ADARB1: variants seen among roughly 807,000 people sequenced by gnomAD.
ADARB1 encodes the protein adenosine deaminase RNA specific B1.
In ADARB1, 10 loss-of-function variants were observed where a neutral mutation model predicts 52.4. The observed-to-expected ratio is 0.19, with a 90% CI of 0.12 to 0.32. The LOEUF (loss-of-function observed/expected upper bound fraction) is 0.32, where lower values mean the gene tolerates loss of function less well. Among genes scored for constraint, ADARB1 ranks in the 10% least tolerant of loss-of-function variants. The probability of loss-of-function intolerance (pLI) is 1.00; values close to 1 mark genes in which losing one functional copy is unlikely to be tolerated. For synonymous variants in ADARB1, 349 were observed against 371.1 expected (o/e 0.94, Z 0.68); for missense variants, 643 against 922.3 (o/e 0.70, Z 3.92).
chr21:45,209,366 C>G (rs1401051105), intron 9 of ADARB1, among the ~76,000 whole-genome samples: 3 of 152,230 alleles, frequency 2.0e-5, no homozygotes, highest in African/African-American at 7.2e-5. Flanking sequence ...GCCCTTAACT[C>G]CACATCCAGA....
intron 1 of ADARB1, among the ~76,000 whole-genome samples, chr21:45,114,136 G>T (rs1002255010): frequency 1.1e-4 from 17 of 152,300 alleles, no homozygotes; most frequent in Admixed American, 9.1e-4. Flanking sequence ...TCTGATATTA[G>T]GCGGTGGCTT....
chr21:45,173,765 T>C (rs1199118672), intron 3 of ADARB1, among the ~76,000 whole-genome samples: 2 of 151,556 alleles, frequency 1.3e-5, no homozygotes, highest in Non-Finnish European at 2.9e-5. Flanking sequence ...CCGAAAGGAG[T>C]AACCTATCGA....
chr21:45,093,529 G>A lies in ADARB1; in HGVS notation c.-220+18736G>A, dbSNP rs557810752. 2.9e-4 allele frequency among the ~76,000 whole-genome samples: 44 copies of A among 152,310 alleles called. No homozygotes were observed. In the South Asian group the frequency reaches 4.3e-3, roughly 15 times the overall value. The stretch of plus-strand genomic sequence containing the variant: ...TGTGGGTTTTTCTGCCGCCTCTTGC[G>A]TTTCATGCTGTGACTCTGGAACTAG... On this transcript the variant is annotated intron_variant, in intron 1 of 10. Coordinates refer to ENST00000348831, the MANE Select transcript of ADARB1 (RefSeq NM_001112.4).
chr21:45,090,752 T>G (rs2086531617), intron 1 of ADARB1, among the ~76,000 whole-genome samples: 1 of 152,224 alleles, frequency 6.6e-6, no homozygotes, highest in African/African-American at 2.4e-5. Flanking sequence ...CTCTCCACCT[T>G]TGTTCTCACT....
At chr21:45,216,060 G>A (rs2092856357) in intron 9 of ADARB1, among the ~76,000 whole-genome samples, 1 of 152,086 alleles carries the variant, frequency 6.6e-6, no homozygotes, top group Admixed American at 6.5e-5. Context: ...TCAGTAATTT[G>A]TCTTTCAGGG....
chr21:45,119,671 C>T (rs1358375653), intron 1 of ADARB1, among the ~76,000 whole-genome samples: 2 of 152,194 alleles, frequency 1.3e-5, no homozygotes, highest in Non-Finnish European at 2.9e-5. Context: ...ATCAGCACAT[C>T]ACCAACAAAT....
At chr21:45,124,298 CT>C (rs1370376592) in intron 1 of ADARB1, among the ~76,000 whole-genome samples, 1 of 152,158 alleles carries the variant, frequency 6.6e-6, no homozygotes, top group Non-Finnish European at 1.5e-5. Context: ...ATGGAGTGTT[CT>C]TTCCAGGATG....
At chr21:45,079,571 A>G (rs2086073995) in intron 1 of ADARB1, among the ~76,000 whole-genome samples, 1 of 152,186 alleles carries the variant, frequency 6.6e-6, no homozygotes, top group Non-Finnish European at 1.5e-5. Flanking sequence ...GGGTTGGGTC[A>G]TTGTGCAGCT....
chr21:45,150,892 A>C (rs1335526056), intron 2 of ADARB1, among the ~76,000 whole-genome samples: 1 of 152,342 alleles, frequency 6.6e-6, no homozygotes, highest in East Asian at 1.9e-4. Context: ...TTCAGGCACA[A>C]ATTCAGTACA....
chr21:45,091,356 T>G (rs1057104378), intron 1 of ADARB1, among the ~76,000 whole-genome samples: 1 of 152,154 alleles, frequency 6.6e-6, no homozygotes, highest in South Asian at 2.1e-4. Context: ...TGAATTCTTA[T>G]GATGAAAAAA....
chr21:45,080,649 A>T lies in ADARB1; in HGVS notation c.-220+5856A>T, dbSNP rs549712662. On this transcript the variant is annotated intron_variant, in intron 1 of 10. Coordinates refer to ENST00000348831, the MANE Select transcript of ADARB1 (RefSeq NM_001112.4). Reference sequence around the variant, plus strand: ...GTACTTACGGAAAGATACATGTGGAAATGGAATTTTTTATTTATTTAAAAA... The same window carrying T: ...GTACTTACGGAAAGATACATGTGGATATGGAATTTTTTATTTATTTAAAAA... Among the ~76,000 whole-genome samples the T allele has an allele frequency of 3.4e-4, 52 of 152,410 alleles. 2 individuals carry two copies. In the South Asian group the frequency reaches 0.01, roughly 30 times the overall value.
intron 1 of ADARB1, among the ~76,000 whole-genome samples, chr21:45,082,134 C>G (rs1205060470): frequency 6.6e-6 from 1 of 152,174 alleles, no homozygotes; most frequent in Non-Finnish European, 1.5e-5. Flanking sequence ...TGCCACGTTC[C>G]AGAGGATCTC....
chr21:45,105,699 CAT>C (rs754234669), intron 1 of ADARB1, among the ~76,000 whole-genome samples: 19 of 152,352 alleles, frequency 1.2e-4, no homozygotes, highest in South Asian at 6.2e-4. Context: ...CACACACACA[CAT>C]ATATGAGTGT....
intron 1 of ADARB1, among the ~76,000 whole-genome samples, chr21:45,117,528 G>A (rs928322760): frequency 4.0e-5 from 6 of 151,722 alleles, no homozygotes; most frequent in African/African-American, 1.5e-4. Context: ...AGGTAGTGCC[G>A]TTCTCTTCGT....
In ADARB1 at chr21:45,161,509, C is replaced by A. The variant is rs548536848; in HGVS notation, c.-47-10101C>A. Among the ~76,000 whole-genome samples the A allele has an allele frequency of 6.6e-5, 10 of 152,340 alleles. No individual in the cohort carries two copies. In the South Asian group the frequency reaches 1.0e-3, roughly 16 times the overall value. ...ATGCCAGCACCCTGCTGCCTCGGCA[C>A]CCCCAGACTTTGGGTGCTGACAAGC... is the stretch of plus-strand genomic sequence containing the variant. On this transcript the variant is annotated intron_variant, in intron 2 of 10. Transcript: ENST00000348831.
At chr21:45,088,675 A>G (rs1182945229) in intron 1 of ADARB1, among the ~76,000 whole-genome samples, 4 of 152,176 alleles carry the variant, frequency 2.6e-5, no homozygotes, top group African/African-American at 4.8e-5. Context: ...GAAACAGGAT[A>G]TTTGCCTAGT....
At chr21:45,097,163 G>A (rs1338930747) in intron 1 of ADARB1, among the ~76,000 whole-genome samples, 9 of 152,318 alleles carry the variant, frequency 5.9e-5, no homozygotes, top group Non-Finnish European at 1.2e-4. Context: ...GGTACGAGAT[G>A]GGTGGGGTTG....
At chr21:45,196,747 T>G (rs1410440949) in intron 8 of ADARB1, among the ~76,000 whole-genome samples, 3 of 152,188 alleles carry the variant, frequency 2.0e-5, no homozygotes, top group African/African-American at 7.2e-5. Context: ...ACACCATTAG[T>G]CACTGATGAA....
chr21:45,185,891 C>T (rs180955196), intron 8 of ADARB1, among the ~76,000 whole-genome samples: 5 of 152,340 alleles, frequency 3.3e-5, no homozygotes, highest in African/African-American at 1.2e-4. Flanking sequence ...TTGATGCATA[C>T]GCATGTGCAC....
Sources: allele counts gnomAD v4.1 joint callset (sites outside exome capture counted in the v4.1 genomes callset), GRCh38; gene constraint gnomAD v4.1.1; transcripts MANE v1.5; gene names NCBI Gene and HGNC (gene_info 2026-07-23, HGNC 2026-07-21).